MAGI3: variants seen among roughly 807,000 people sequenced by gnomAD.
MAGI3 encodes the protein membrane associated guanylate kinase, WW and PDZ domain containing 3.
In MAGI3, 43 loss-of-function variants were observed where a neutral mutation model predicts 121.8. That is an observed-to-expected ratio of 0.35 (90% CI 0.28 to 0.46). The LOEUF is 0.46. Among genes scored for constraint, MAGI3 ranks in the 20% least tolerant of loss-of-function variants. The pLI is 1.00. For synonymous variants in MAGI3, 553 were observed against 639.3 expected (o/e 0.86, Z 2.04); for missense variants, 1,547 against 1,797.3 (o/e 0.86, Z 2.52).
At chr1:113,635,655 A>G (rs1291382437) in intron 9 of MAGI3, among the ~76,000 whole-genome samples, 6 of 151,864 alleles carry the variant, frequency 4.0e-5, no homozygotes, top group Non-Finnish European at 8.8e-5. Context: ...TTTTTGCATC[A>G]ATGTTCATCA....
At chr1:113,548,430 T>G (rs76067696) in intron 1 of MAGI3, among the ~76,000 whole-genome samples, 10,246 of 152,314 alleles carry the variant, frequency 0.067, 383 homozygotes, top group African/African-American at 0.075. Flanking sequence ...AATAGAAAAT[T>G]TTTGACTTTC....
At chr1:113,441,989 T>C (rs1653939661) in intron 1 of MAGI3, among the ~76,000 whole-genome samples, 1 of 152,220 alleles carries the variant, frequency 6.6e-6, no homozygotes. Context: ...TAAATTGTTT[T>C]ACAAATCGAA....
chr1:113,644,772 A>G (rs930963200), intron 11 of MAGI3, among the ~76,000 whole-genome samples: 1 of 152,238 alleles, frequency 6.6e-6, no homozygotes, highest in African/African-American at 2.4e-5. Flanking sequence ...AAGAAACTCT[A>G]CAAGGTGCAC....
At chr1:113,673,040 T>C (rs954628702) in intron 18 of MAGI3, among the ~76,000 whole-genome samples, 1 of 152,228 alleles carries the variant, frequency 6.6e-6, no homozygotes, top group Admixed American at 6.5e-5. Context: ...CCAGGAAAAT[T>C]AGTCAAACGC....
intron 6 of MAGI3, among the ~76,000 whole-genome samples, chr1:113,596,474 G>A (rs1194120608): frequency 6.6e-6 from 1 of 151,954 alleles, no homozygotes; most frequent in African/African-American, 2.4e-5. Flanking sequence ...AACCATAGAA[G>A]AAAAAGTTAA....
At chr1:113,576,544 A>G (rs143622975) in intron 2 of MAGI3, among the ~76,000 whole-genome samples, 1,527 of 152,244 alleles carry the variant, frequency 0.01, 25 homozygotes, top group East Asian at 0.061. Flanking sequence ...GAAATGGAGA[A>G]ACCACCCACC....
rs2101045779 is a variant in MAGI3, at chr1:113,684,070, T to C, written c.*56T>C. 1 of 1,449,840 alleles carries C rather than the reference T, an allele frequency of 6.9e-7. No individual in the cohort carries two copies. The highest frequency in any genetic ancestry group is 9.1e-7 in the Non-Finnish European group (1 of 1,103,116). 89.8% of individuals were successfully genotyped at this position (1,449,840 alleles called of 1,614,324 possible). The stretch of plus-strand genomic sequence containing the variant: ...GTAATCTTTTCTTACAGCAGCATTT[T>C]TCCAGAAAAAGCCTTTTTTTTTTTT... On this transcript the variant is annotated 3_prime_UTR_variant, in exon 21 of 21. Transcript: ENST00000307546.
intron 1 of MAGI3, among the ~76,000 whole-genome samples, chr1:113,439,462 C>T (rs1016631834): frequency 2.6e-5 from 4 of 152,158 alleles, no homozygotes; most frequent in Non-Finnish European, 4.4e-5. Flanking sequence ...TTTTAGCCTG[C>T]TCAGAGGTTA....
In MAGI3 at chr1:113,440,255, G is replaced by A. The variant is rs376654687; in HGVS notation, c.316+48906G>A. On this transcript the variant is annotated intron_variant, in intron 1 of 20. Coordinates refer to ENST00000307546, the MANE Select transcript of MAGI3 (RefSeq NM_001142782.2). ...CAACAGATAAGTTGATCAACAGGTA[G>A]TTGATCTTATCATAGCTACAAGCAA... is the stretch of plus-strand genomic sequence containing the variant. Among the ~76,000 whole-genome samples, 14 of 152,270 alleles carry A rather than the reference G, an allele frequency of 9.2e-5. No individual in the cohort carries two copies. The East Asian group carries it at 1.9e-3, about 21-fold the overall frequency.
chr1:113,426,152 T>A (rs374459439), intron 1 of MAGI3, among the ~76,000 whole-genome samples: 1 of 152,248 alleles, frequency 6.6e-6, no homozygotes, highest in Non-Finnish European at 1.5e-5. Flanking sequence ...ACTTCCTGTT[T>A]GTCATATGGA....
In MAGI3 at chr1:113,456,105, C is replaced by T. The variant is rs973163264; in HGVS notation, c.316+64756C>T. Among the ~76,000 whole-genome samples, 12 of 150,098 alleles carry T rather than the reference C, an allele frequency of 8.0e-5. No homozygotes were observed. In the East Asian group the frequency reaches 2.4e-3, roughly 30 times the overall value. ...AGCTGGGACTACAGGCGCCCGCCAC[C>T]ACGCCCGGCTAATTTTTTTTTTTTT... On this transcript the variant is annotated intron_variant, in intron 1 of 20. Transcript: ENST00000307546.
chr1:113,683,327 T>G lies in MAGI3; in HGVS notation c.3759T>G (p.Asp1253Glu). ...ATAACCCCAAAAGAAGACCCAGAGA[T>G]CAATCCCTCAGCCCCAGCAAAGGGG... The part of the protein sequence containing the change: ...LKNNPKRRPR[D>E]QSLSPSKGEN... Residue 1253 changes from aspartate to glutamate, a missense_variant, in exon 21 of 21, where the codon GAT becomes GAG. By Grantham distance (45) the Asp-to-Glu change is conservative (BLOSUM62 2). Transcript: ENST00000307546. The G allele has an allele frequency of 6.2e-7, 1 of 1,613,636 alleles. No individual in the cohort carries two copies. The highest frequency in any genetic ancestry group is 8.5e-7 in the Non-Finnish European group (1 of 1,179,844).
intron 1 of MAGI3, among the ~76,000 whole-genome samples, chr1:113,436,226 A>G (rs1653559408): frequency 6.6e-6 from 1 of 152,126 alleles, no homozygotes; most frequent in Non-Finnish European, 1.5e-5. Context: ...TTTACAATTA[A>G]TCTCTCTTTA....
chr1:113,633,323 G>A (rs1431919441), intron 9 of MAGI3, among the ~76,000 whole-genome samples: 1 of 126,336 alleles, frequency 7.9e-6, no homozygotes, highest in Non-Finnish European at 1.6e-5. Context: ...GTGCAGTGGC[G>A]GGATCTAGGG....
At chr1:113,584,966 C>CAATTTTTTTTTTTTTTTTTTTTTTTTTT (rs61622151) in intron 3 of MAGI3, among the ~76,000 whole-genome samples, 2 of 110,730 alleles carry the variant, frequency 1.8e-5, no homozygotes. Flanking sequence ...GTAGATATTT[C>CAATTTTTTTTTTTTTTTTTTTTTTTTTT]CTTTTTTTTT....
At chr1:113,462,171 A>C (rs1328459230) in intron 1 of MAGI3, among the ~76,000 whole-genome samples, 1 of 152,184 alleles carries the variant, frequency 6.6e-6, no homozygotes, top group Non-Finnish European at 1.5e-5. Flanking sequence ...CAGAGACCTA[A>C]AAGCAGAACT....
intron 1 of MAGI3, among the ~76,000 whole-genome samples, chr1:113,404,711 A>G (rs1651582471): frequency 6.6e-6 from 1 of 152,114 alleles, no homozygotes; most frequent in South Asian, 2.1e-4. Context: ...TGTACAAACT[A>G]AAATTATGGG....
chr1:113,644,814 T>C (rs1256725867), intron 11 of MAGI3, among the ~76,000 whole-genome samples: 1 of 152,228 alleles, frequency 6.6e-6, no homozygotes, highest in Non-Finnish European at 1.5e-5. Context: ...CACAATGTTT[T>C]GGATATAAAG....
At chr1:113,643,230 A>G (rs1207554833) in intron 10 of MAGI3, among the ~76,000 whole-genome samples, 1 of 152,224 alleles carries the variant, frequency 6.6e-6, no homozygotes, top group Non-Finnish European at 1.5e-5. Context: ...TAAAGAATAA[A>G]AGCCACTTAC....
Sources: gnomAD v4.1 joint callset for allele counts (sites outside exome capture counted in the v4.1 genomes callset) on GRCh38, gnomAD v4.1.1 for gene constraint, MANE v1.5 for transcripts, NCBI Gene and HGNC (gene_info 2026-07-23, HGNC 2026-07-21) for gene names.